CDH13: variants seen among roughly 807,000 people sequenced by gnomAD.
CDH13 encodes the protein cadherin-13.
CDH13 carries 24 observed loss-of-function variants against 63.8 expected under a neutral mutation model. The observed-to-expected ratio is 0.38, with a 90% CI of 0.27 to 0.53. The LOEUF (loss-of-function observed/expected upper bound fraction) is 0.53, where lower values mean the gene tolerates loss of function less well. Ranked by LOEUF, CDH13 falls within the 20% of genes least tolerant of loss-of-function variation. The pLI is 0.85. For missense variants in CDH13, 1,049 were observed against 903.1 expected, an observed-to-expected ratio of 1.16 and a Z score of -2.07; for synonymous variants, 503 against 355.3, an observed-to-expected ratio of 1.42 and a Z score of -4.67.
intron 6 of CDH13, among the ~76,000 whole-genome samples, chr16:83,380,897 C>T (rs1288334352): frequency 6.6e-6 from 1 of 151,580 alleles, no homozygotes; most frequent in Non-Finnish European, 1.5e-5. Context: ...TAACTAGCAG[C>T]CCTGCCACAA....
chr16:82,993,848 T>G (rs1423821124), intron 2 of CDH13, among the ~76,000 whole-genome samples: 2 of 152,158 alleles, frequency 1.3e-5, no homozygotes. Flanking sequence ...GTGGAATCTC[T>G]TAACTGCAGT....
chr16:83,091,172 C>G (rs527347649), intron 3 of CDH13, among the ~76,000 whole-genome samples: 6 of 152,020 alleles, frequency 3.9e-5, no homozygotes, highest in Admixed American at 2.0e-4. Context: ...CTTCCTTTCT[C>G]TCTCTTCTTC....
At position 83,145,602 on chromosome 16, in the gene CDH13, G is replaced by A. The variant is rs528455055; in HGVS notation, c.483+20101G>A. ...ATTCAGGGTCCCACTTTGATATTCTGCCTTTGCACTTGTTTCATTTTTTCT... is the reference window on the plus strand; with the variant it reads ...ATTCAGGGTCCCACTTTGATATTCTACCTTTGCACTTGTTTCATTTTTTCT... On this transcript the variant is annotated intron_variant, in intron 4 of 13. Coordinates refer to ENST00000567109, the MANE Select transcript of CDH13 (RefSeq NM_001257.5). Among the ~76,000 whole-genome samples, 3 of 152,306 alleles carry A rather than the reference G, an allele frequency of 2.0e-5. No individual in the cohort carries two copies. In the East Asian group the frequency reaches 5.8e-4, roughly 29 times the overall value.
At chr16:83,474,975 T>C (rs1289762048) in intron 6 of CDH13, among the ~76,000 whole-genome samples, 1 of 152,250 alleles carries the variant, frequency 6.6e-6, no homozygotes, top group Non-Finnish European at 1.5e-5. Flanking sequence ...CAGCTGAGTA[T>C]AGGCACTGAG....
chr16:83,797,492 A>G lies in CDH13; in HGVS notation c.*2462A>G, dbSNP rs980601015. The G allele has an allele frequency of 2.0e-5, 3 of 152,222 alleles. No individual in the cohort carries two copies. The highest frequency in any genetic ancestry group is 4.4e-5 in the Non-Finnish European group (3 of 68,036). 9.4% of individuals were successfully genotyped at this position (152,222 alleles called of 1,614,324 possible). On this transcript the variant is annotated 3_prime_UTR_variant, in exon 14 of 14. Transcript: ENST00000567109. ...CCCCACAGTTCTAATCAGGACAGAGATACTTCTGTCATGTTGTTCCTCCTA... is the reference window on the plus strand; with the variant it reads ...CCCCACAGTTCTAATCAGGACAGAGGTACTTCTGTCATGTTGTTCCTCCTA...
intron 2 of CDH13, among the ~76,000 whole-genome samples, chr16:82,948,931 G>C (rs1419726834): frequency 6.6e-6 from 1 of 152,184 alleles, no homozygotes. Flanking sequence ...ATCTGGTCCA[G>C]ACCTTGTAAG....
intron 1 of CDH13, among the ~76,000 whole-genome samples, chr16:82,840,363 G>A (rs1216870866): frequency 6.7e-6 from 1 of 149,280 alleles, no homozygotes; most frequent in East Asian, 2.1e-4. Context: ...AAAGAGGGAG[G>A]GCCTGATGCT....
chr16:82,931,402 C>A (rs2042486824), intron 2 of CDH13, among the ~76,000 whole-genome samples: 1 of 152,188 alleles, frequency 6.6e-6, no homozygotes, highest in Admixed American at 6.5e-5. Flanking sequence ...GGACTCACAT[C>A]CTACTTTTCA....
intron 1 of CDH13, among the ~76,000 whole-genome samples, chr16:82,758,077 A>G (rs890682581): frequency 1.3e-5 from 2 of 152,074 alleles, no homozygotes. Flanking sequence ...TTTGTTCATG[A>G]CCGGTGAGTG....
At chr16:82,975,884 G>A (rs943787625) in intron 2 of CDH13, among the ~76,000 whole-genome samples, 5 of 152,074 alleles carry the variant, frequency 3.3e-5, no homozygotes, top group African/African-American at 1.2e-4. Flanking sequence ...ACAGCATAAT[G>A]CAGTTGAATA....
At chr16:83,724,357 C>T (rs1910109015) in intron 10 of CDH13, among the ~76,000 whole-genome samples, 1 of 148,258 alleles carries the variant, frequency 6.7e-6, no homozygotes, top group South Asian at 2.2e-4. Context: ...GTGATGAATG[C>T]ATGGGTGGGG....
At chr16:83,041,155 T>A (rs1917299254) in intron 3 of CDH13, among the ~76,000 whole-genome samples, 1 of 152,190 alleles carries the variant, frequency 6.6e-6, no homozygotes, top group Non-Finnish European at 1.5e-5. Flanking sequence ...GTTGCCTCAA[T>A]AAAGGGAAAC....
intron 5 of CDH13, among the ~76,000 whole-genome samples, chr16:83,288,229 A>C (rs1286473355): frequency 6.6e-6 from 1 of 152,184 alleles, no homozygotes; most frequent in Non-Finnish European, 1.5e-5. Context: ...GCCCAGCCCC[A>C]ATAGCTAACT....
chr16:83,046,821 T>C (rs988162369), intron 3 of CDH13, among the ~76,000 whole-genome samples: 3 of 152,168 alleles, frequency 2.0e-5, no homozygotes, highest in African/African-American at 7.2e-5. Flanking sequence ...TCTCCAACCT[T>C]GTTACAAACA....
At chr16:83,736,813 G>C (rs1911581663) in intron 10 of CDH13, among the ~76,000 whole-genome samples, 1 of 152,214 alleles carries the variant, frequency 6.6e-6, no homozygotes, top group South Asian at 2.1e-4. Flanking sequence ...GAGACCTTTG[G>C]TAAATTCTAA....
At chr16:83,052,495 C>T (rs570790516) in intron 3 of CDH13, among the ~76,000 whole-genome samples, 1 of 152,154 alleles carries the variant, frequency 6.6e-6, no homozygotes, top group East Asian at 1.9e-4. Flanking sequence ...AGAAATAAAA[C>T]CTTGGCTGTT....
chr16:82,844,225 C>T (rs1198116938), intron 1 of CDH13, among the ~76,000 whole-genome samples: 1 of 152,094 alleles, frequency 6.6e-6, no homozygotes, highest in African/African-American at 2.4e-5. Context: ...TGAGAAGAGG[C>T]CATGCTGCTG....
chr16:83,254,311 A>T (rs956196669), intron 5 of CDH13, among the ~76,000 whole-genome samples: 1 of 152,134 alleles, frequency 6.6e-6, no homozygotes, highest in African/African-American at 2.4e-5. Context: ...TTAAAATGAG[A>T]TTCAGGGCTC....
At chr16:83,353,609 T>C (rs1451138168) in intron 6 of CDH13, among the ~76,000 whole-genome samples, 1 of 152,228 alleles carries the variant, frequency 6.6e-6, no homozygotes, top group East Asian at 1.9e-4. Flanking sequence ...TATAGCTCTC[T>C]CTCCCCCTAA....
Sources: gnomAD v4.1 joint callset for allele counts (sites outside exome capture counted in the v4.1 genomes callset) on GRCh38, gnomAD v4.1.1 for gene constraint, MANE v1.5 for transcripts, NCBI Gene and HGNC (gene_info 2026-07-23, HGNC 2026-07-21) for gene names.